STYXL1: variants seen among roughly 807,000 people sequenced by gnomAD.
STYXL1 encodes the protein serine/threonine/tyrosine-interacting-like protein 1.
Under a neutral mutation model 36.4 loss-of-function variants are expected in STYXL1, and 32 were observed. That is an observed-to-expected ratio of 0.88 (90% CI 0.66 to 1.18). The LOEUF (loss-of-function observed/expected upper bound fraction) is 1.18, where lower values mean the gene tolerates loss of function less well. Among genes scored for constraint, STYXL1 ranks in the 50% most tolerant of loss-of-function variants. The pLI is 0.00. For synonymous variants in STYXL1, 133 were observed against 144.1 expected, an observed-to-expected ratio of 0.92 and a Z score of 0.55; for missense variants, 354 against 394.1, an observed-to-expected ratio of 0.90 and a Z score of 0.86.
At chr7:76,033,356 G>A (rs1052225259) in intron 1 of STYXL1, among the ~76,000 whole-genome samples, 4 of 151,504 alleles carry the variant, frequency 2.6e-5, no homozygotes, top group Admixed American at 6.6e-5. Context: ...ATGTTGCCCA[G>A]TCTGGTCTCA....
intron 8 of STYXL1, chr7:76,000,465 G>C (rs1563457886): frequency 2.2e-6 from 1 of 457,714 alleles, no homozygotes; most frequent in Admixed American, 2.3e-5. Flanking sequence ...GGAGCTCCGA[G>C]TTCCGCCTGG....
intron 1 of STYXL1, among the ~76,000 whole-genome samples, chr7:76,032,076 C>A (rs1554579523): frequency 6.6e-6 from 1 of 152,048 alleles, no homozygotes; most frequent in African/African-American, 2.4e-5. Flanking sequence ...CAAGACCAGC[C>A]TGGACCACAT....
At position 76,028,462 on chromosome 7, in the gene STYXL1, G is replaced by A. The variant is rs570568752; in HGVS notation, c.165+180C>T. Among the ~76,000 whole-genome samples the A allele has an allele frequency of 2.6e-5, 4 of 152,272 alleles. No homozygotes were observed. In the South Asian group the frequency reaches 6.2e-4, roughly 24 times the overall value. Reference sequence around the variant, plus strand: ...TAATGGAGTTGTTGACCATTCTTGGGGGATGGGAGGACACCTGAGAAAATG... The same window carrying A: ...TAATGGAGTTGTTGACCATTCTTGGAGGATGGGAGGACACCTGAGAAAATG... On this transcript the variant is annotated intron_variant, in intron 3 of 8. Coordinates refer to ENST00000359697, the MANE Select transcript of STYXL1 (RefSeq NM_001317785.2).
intron 2 of STYXL1, among the ~76,000 whole-genome samples, chr7:76,029,894 C>T (rs566475380): frequency 6.6e-5 from 10 of 152,338 alleles, no homozygotes; most frequent in African/African-American, 2.4e-4. Flanking sequence ...ACAGATGAAG[C>T]TTCTGCTTCA....
intron 1 of STYXL1, among the ~76,000 whole-genome samples, chr7:76,041,487 T>C (rs965942140): frequency 6.6e-6 from 1 of 152,208 alleles, no homozygotes; most frequent in African/African-American, 2.4e-5. Flanking sequence ...GCTATTAAGA[T>C]GGATGAATGT....
intron 6 of STYXL1, among the ~76,000 whole-genome samples, chr7:76,004,324 A>G (rs1003182731): frequency 1.3e-5 from 2 of 151,866 alleles, no homozygotes; most frequent in Admixed American, 1.3e-4. Flanking sequence ...CAAACTCCCA[A>G]CCTCAGCTTA....
At chr7:76,029,030 G>A (rs1160305703) in intron 2 of STYXL1, among the ~76,000 whole-genome samples, 1 of 152,026 alleles carries the variant, frequency 6.6e-6, no homozygotes, top group African/African-American at 2.4e-5. Context: ...GGCTGAAGGA[G>A]AATCACTTAA....
chr7:76,022,082 G>A, intron 3 of STYXL1, 90 bp from the exon 4 acceptor site: 1 of 1,537,776 alleles, frequency 6.5e-7, no homozygotes, highest in African/African-American at 1.4e-5. Flanking sequence ...GCACTGGGAG[G>A]AGCTAAGACC....
At chr7:76,025,578 T>C (rs1011096167) in intron 3 of STYXL1, among the ~76,000 whole-genome samples, 8 of 151,454 alleles carry the variant, frequency 5.3e-5, no homozygotes, top group Admixed American at 5.3e-4. Context: ...TCACCTGAGG[T>C]CAGGAGTTCA....
intron 3 of STYXL1, among the ~76,000 whole-genome samples, chr7:76,025,318 A>T (rs1794570349): frequency 6.6e-6 from 1 of 150,950 alleles, no homozygotes. Flanking sequence ...AAAAATAAAA[A>T]TTAAAAAAAA....
chr7:76,040,738 AG>A (rs1310297310), intron 1 of STYXL1, among the ~76,000 whole-genome samples: 1 of 151,922 alleles, frequency 6.6e-6, no homozygotes, highest in Non-Finnish European at 1.5e-5. Context: ...CCGGAGGCTG[AG>A]GCAGGAAAAT....
chr7:76,035,914 G>T (rs376815082), intron 1 of STYXL1, among the ~76,000 whole-genome samples: 3 of 149,850 alleles, frequency 2.0e-5, no homozygotes, highest in East Asian at 3.9e-4. Flanking sequence ...GGTCAAGCAG[G>T]AACTGCCCCT....
intron 3 of STYXL1, among the ~76,000 whole-genome samples, chr7:76,022,590 A>G (rs539327858): frequency 6.6e-6 from 1 of 152,226 alleles, no homozygotes; most frequent in South Asian, 2.1e-4. Context: ...ACTTGAGCCC[A>G]GGAGGCGGAG....
chr7:76,001,396 ACTGG>A (rs1417819651), intron 7 of STYXL1, among the ~76,000 whole-genome samples: 2 of 152,018 alleles, frequency 1.3e-5, no homozygotes, highest in African/African-American at 4.8e-5. Flanking sequence ...ACTGCCACTC[ACTGG>A]CCGTGGGGCT....
At chr7:76,022,285 C>G (rs1474458879) in intron 3 of STYXL1, among the ~76,000 whole-genome samples, 1 of 152,124 alleles carries the variant, frequency 6.6e-6, no homozygotes, top group African/African-American at 2.4e-5. Flanking sequence ...TATTAGGTAC[C>G]CTGGTGTCAG....
intron 1 of STYXL1, among the ~76,000 whole-genome samples, chr7:76,043,541 G>A (rs1796681553): frequency 6.6e-6 from 1 of 152,004 alleles, no homozygotes; most frequent in African/African-American, 2.4e-5. Context: ...GGCTGAGGGA[G>A]GAATTGAAGC....
rs1026505354 is a variant in STYXL1, at chr7:76,021,724, G to A, written c.307+127C>T. The A allele has an allele frequency of 8.4e-5, 61 of 726,128 alleles. No individual in the cohort carries two copies. In the East Asian group the frequency reaches 8.9e-4, roughly 11 times the overall value. 45.0% of individuals were successfully genotyped at this position (726,128 alleles called of 1,614,324 possible). Reference sequence around the variant, plus strand: ...GTGATCATGAAGCTCTTTTTCTGACGCAAACCCTGCTGTCTCAGTGTCATT... The same window carrying A: ...GTGATCATGAAGCTCTTTTTCTGACACAAACCCTGCTGTCTCAGTGTCATT... On this transcript the variant is annotated intron_variant, in intron 4 of 8. Transcript: ENST00000359697.
Position 76,038,182 on chromosome 7 carries a change from G to A in STYXL1, c.-4-7655C>T, listed in dbSNP as rs137981856. On this transcript the variant is annotated intron_variant, in intron 1 of 8. Coordinates refer to ENST00000359697, the MANE Select transcript of STYXL1 (RefSeq NM_001317785.2). ...CGATCCTCCCACCTCAGCCTCCTGA[G>A]TAGCTGAGGCTACAGGTGCATGCCA... Among the ~76,000 whole-genome samples, 555 of 149,712 alleles carry A rather than the reference G, an allele frequency of 3.7e-3. 28 individuals are homozygous for A. The highest frequency in any genetic ancestry group is 0.013 in the African/African-American group (532 of 41,040).
rs544746265 is a variant in STYXL1 at position 76,025,150 on chromosome 7, G to C, written c.166-3158C>G. ...AAGAAGGCTGAGAACACGGGCGGGA[G>C]GGGGGTGGGGCTGGGAGCCTTTCTG... On this transcript the variant is annotated intron_variant, in intron 3 of 8. Coordinates refer to ENST00000359697, the MANE Select transcript of STYXL1 (RefSeq NM_001317785.2). Among the ~76,000 whole-genome samples, 818 of 131,144 alleles carry C rather than the reference G, an allele frequency of 6.2e-3. 1 individual carries two copies. The highest frequency in any genetic ancestry group is 9.8e-3 in the Non-Finnish European group (605 of 61,912). The allele number at this position is 131,144 out of a possible 152,430, so 86.0% of individuals were successfully genotyped here. A position where few individuals can be genotyped will look rare whatever the true frequency, so the allele number is the denominator to read the frequency against.
Sources: gnomAD v4.1 joint callset for allele counts (sites outside exome capture counted in the v4.1 genomes callset) on GRCh38, gnomAD v4.1.1 for gene constraint, MANE v1.5 for transcripts, NCBI Gene and HGNC (gene_info 2026-07-23, HGNC 2026-07-21) for gene names.